Variants in RAF1 observed in about 807,000 individuals in gnomAD.
RAF1 encodes the protein RAF proto-oncogene serine/threonine-protein kinase.
A neutral mutation model predicts 81.1 loss-of-function variants in RAF1; 27 were observed. The ratio of observed to expected loss-of-function variants is 0.33; its 90% CI spans 0.25 to 0.46. The LOEUF (loss-of-function observed/expected upper bound fraction) is 0.46. RAF1 is among the 20% of genes least tolerant of loss of function. The pLI, the probability that RAF1 is intolerant of heterozygous loss-of-function variation, is 1.00. For missense variants in RAF1, 598 were observed against 826.0 expected (o/e 0.72, Z 3.38); for synonymous variants, 298 against 294.0 (o/e 1.01, Z -0.14).
intron 11 of RAF1, among the ~76,000 whole-genome samples, chr3:12,595,929 G>A (rs2058672699): frequency 6.7e-6 from 1 of 149,928 alleles, no homozygotes; most frequent in Admixed American, 6.6e-5. Flanking sequence ...AGGCTGGAGT[G>A]CAGTGGTGTT....
chr3:12,622,352 T>C (rs1575607025), intron 1 of RAF1, among the ~76,000 whole-genome samples: 1 of 152,180 alleles, frequency 6.6e-6, no homozygotes, highest in East Asian at 1.9e-4. Flanking sequence ...ATGCAACTCA[T>C]TGTGTCACTC....
chr3:12,609,966 AACC>A (rs1286957877), intron 3 of RAF1, among the ~76,000 whole-genome samples: 3 of 152,224 alleles, frequency 2.0e-5, no homozygotes, highest in Admixed American at 2.0e-4. Context: ...AATAGAAAGG[AACC>A]ACAAATGAAA....
Position 12,583,931 on chromosome 3 carries a change from G to A in RAF1, c.*583C>T. On this transcript the variant is annotated 3_prime_UTR_variant, in exon 18 of 18. Transcript: ENST00000442415. ...CCTGGAAAACCATCCCAATGCACTG[G>A]ACACCTTAGAAGCTGTGAAAGGAGG... 8.4e-6 allele frequency: 2 copies of A among 238,474 alleles called. No homozygotes were observed. The highest frequency in any genetic ancestry group is 1.7e-5 in the Non-Finnish European group (2 of 120,788). 14.8% of individuals were successfully genotyped at this position (238,474 alleles called of 1,614,324 possible).
At chr3:12,641,480 ATGT>A (rs1272236869) in intron 1 of RAF1, among the ~76,000 whole-genome samples, 1 of 149,692 alleles carries the variant, frequency 6.7e-6, no homozygotes, top group Non-Finnish European at 1.5e-5. Context: ...CCAAAAAAAA[ATGT>A]TTTTTGGTTT....
chr3:12,656,091 T>C (rs538133017), intron 1 of RAF1, among the ~76,000 whole-genome samples: 2 of 144,194 alleles, frequency 1.4e-5, no homozygotes, highest in East Asian at 2.0e-4. Context: ...CCTTCCAACT[T>C]ACATAAGACA....
intron 1 of RAF1, among the ~76,000 whole-genome samples, chr3:12,659,297 C>T (rs1028688821): frequency 2.0e-5 from 3 of 150,950 alleles, no homozygotes; most frequent in Admixed American, 6.6e-5. Context: ...GCAAGGTGGC[C>T]GGCGCCTGTA....
intron 1 of RAF1, among the ~76,000 whole-genome samples, chr3:12,630,110 A>G (rs2059818436): frequency 6.6e-6 from 1 of 152,214 alleles, no homozygotes; most frequent in African/African-American, 2.4e-5. Context: ...ACAATAAAAC[A>G]AAAACTAAAT....
At chr3:12,646,556 T>C (rs1224275273) in intron 1 of RAF1, among the ~76,000 whole-genome samples, 5 of 89,014 alleles carry the variant, frequency 5.6e-5, no homozygotes, top group African/African-American at 2.9e-4. Flanking sequence ...TGTATTTGTC[T>C]TTTTTTTTTT....
At chr3:12,612,842 GATTC>G (rs1181450049) in intron 2 of RAF1, among the ~76,000 whole-genome samples, 1 of 152,216 alleles carries the variant, frequency 6.6e-6, no homozygotes, top group East Asian at 1.9e-4. Context: ...ATGTTCACTA[GATTC>G]ATTAGAGAGG....
At chr3:12,634,987 A>G (rs1680157000) in intron 1 of RAF1, among the ~76,000 whole-genome samples, 1 of 152,172 alleles carries the variant, frequency 6.6e-6, no homozygotes, top group South Asian at 2.1e-4. Flanking sequence ...TGATATAAGG[A>G]AAAAGTCTCA....
chr3:12,640,175 C>T (rs2125528367), intron 1 of RAF1, among the ~76,000 whole-genome samples: 1 of 149,206 alleles, frequency 6.7e-6, no homozygotes, highest in Middle Eastern at 3.5e-3. Context: ...TATGTAGAAA[C>T]TGAAACTGGA....
intron 1 of RAF1, among the ~76,000 whole-genome samples, chr3:12,626,941 T>C (rs1462553258): frequency 1.3e-5 from 2 of 150,718 alleles, no homozygotes; most frequent in Non-Finnish European, 2.9e-5. Flanking sequence ...GGAGAATCGC[T>C]TGAACCCAGG....
chr3:12,589,329 A>G (rs376929319), intron 13 of RAF1: 2 of 152,240 alleles, frequency 1.3e-5, no homozygotes, highest in South Asian at 4.1e-4. Context: ...TGTATGAATT[A>G]TATCTCAATT....
Position 12,643,397 on chromosome 3 carries a change from A to G in RAF1, c.-27+20416T>C, listed in dbSNP as rs182011806. Among the ~76,000 whole-genome samples, 1,054 of 142,556 alleles carry G rather than the reference A, an allele frequency of 7.4e-3. 6 individuals are homozygous for G. The highest frequency in any genetic ancestry group is 0.027 in the African/African-American group (994 of 36,496). The allele number at this position is 142,556 out of a possible 152,430, so 93.5% of individuals were successfully genotyped here. On this transcript the variant is annotated intron_variant, in intron 1 of 17. Coordinates refer to ENST00000442415, the MANE Select transcript of RAF1 (RefSeq NM_001354689.3). The stretch of plus-strand genomic sequence containing the variant: ...ACATGTTAAGGATCAAAGTAAGAAA[A>G]GAGTAACTATAGGGGCCATACTATA...
intron 8 of RAF1, among the ~76,000 whole-genome samples, chr3:12,602,128 C>T (rs2058879474): frequency 6.6e-6 from 1 of 152,062 alleles, no homozygotes; most frequent in Admixed American, 6.6e-5. Flanking sequence ...AATTAAATAT[C>T]CCATATTTTA....
intron 7 of RAF1, 71 bp downstream of exon 7, chr3:12,604,065 A>C: frequency 6.3e-7 from 1 of 1,576,598 alleles, no homozygotes; most frequent in Non-Finnish European, 8.7e-7. Context: ...TTGAAACCCA[A>C]AACTCTGAAA....
chr3:12,611,527 C>T (rs1415363116), intron 3 of RAF1, among the ~76,000 whole-genome samples: 1 of 152,066 alleles, frequency 6.6e-6, no homozygotes, highest in Non-Finnish European at 1.5e-5. Context: ...GGTGAAACCC[C>T]GTCTCTACTA....
intron 1 of RAF1, among the ~76,000 whole-genome samples, chr3:12,626,690 A>G (rs1405793493): frequency 6.6e-6 from 1 of 152,030 alleles, no homozygotes; most frequent in African/African-American, 2.4e-5. Context: ...GTAAAATCAC[A>G]TTTCTGCTCA....
intron 2 of RAF1, among the ~76,000 whole-genome samples, chr3:12,616,312 A>C (rs1254505812): frequency 1.3e-5 from 2 of 152,228 alleles, no homozygotes; most frequent in Non-Finnish European, 2.9e-5. Context: ...GGGATGGAGA[A>C]GATAGTCTCA....
Sources: allele counts gnomAD v4.1 joint callset (sites outside exome capture counted in the v4.1 genomes callset), GRCh38; gene constraint gnomAD v4.1.1; transcripts MANE v1.5; gene names NCBI Gene and HGNC (gene_info 2026-07-23, HGNC 2026-07-21).